The following TTC7A variants were observed in gnomAD, a reference collection of about 807,000 sequenced individuals.
TTC7A encodes the protein tetratricopeptide repeat domain 7A, also known as tetratricopeptide repeat protein 7A.
In TTC7A, 110 loss-of-function variants were observed where a neutral mutation model predicts 103.7. That is an observed-to-expected ratio of 1.06 (90% CI 0.91 to 1.24). The LOEUF is 1.24. TTC7A is among the 50% of genes most tolerant of loss of function. The pLI, the probability that TTC7A is intolerant of heterozygous loss-of-function variation, is 0.00. For synonymous variants in TTC7A, 521 were observed against 467.9 expected (o/e 1.11, Z -1.47); for missense variants, 1,340 against 1,116.3 (o/e 1.20, Z -2.86).
chr2:46,979,855 G>T (rs1204086655), intron 5 of TTC7A, among the ~76,000 whole-genome samples: 3 of 152,150 alleles, frequency 2.0e-5, no homozygotes, highest in African/African-American at 4.8e-5. Context: ...AGACACAGTG[G>T]GCTGGGGCTG....
chr2:46,917,311 G>C lies in TTC7A; in HGVS notation c.82+34G>C, dbSNP rs746180259. 50 of 644,260 alleles carry C rather than the reference G, an allele frequency of 7.8e-5. No homozygotes were observed. In the South Asian group the frequency reaches 8.4e-4, roughly 11 times the overall value. 39.9% of individuals were successfully genotyped at this position (644,260 alleles called of 1,614,324 possible). On this transcript the variant is annotated intron_variant, in intron 2 of 20. Coordinates refer to the TTC7A transcript ENST00000409245. ...CCGCGCCGGGACAAAGAATCCCTAAGTTTTGAGGAAACCCTATTAATTCAA... is the reference window on the plus strand; with the variant it reads ...CCGCGCCGGGACAAAGAATCCCTAACTTTTGAGGAAACCCTATTAATTCAA...
At chr2:47,071,929 C>G (rs1292194951) in intron 19 of TTC7A, among the ~76,000 whole-genome samples, 5 of 152,242 alleles carry the variant, frequency 3.3e-5, no homozygotes, top group Non-Finnish European at 7.3e-5. Context: ...CTCTGGGAGG[C>G]CTTGCCGGCC....
intron 5 of TTC7A, among the ~76,000 whole-genome samples, chr2:46,986,370 C>A (rs866939122): frequency 1.3e-4 from 20 of 152,328 alleles, no homozygotes; most frequent in Admixed American, 3.3e-4. Flanking sequence ...CCTGGGTTGC[C>A]TCCCAGTGCC....
At position 46,975,054 on chromosome 2, in the gene TTC7A, T is replaced by C; in HGVS notation, c.599T>C (p.Phe200Ser). Reference sequence around the variant, plus strand: ...AGGGAGGAGGAAGTGATCACCTGTTTTGAGAGGGCCTCCTGGATCGCTCAG... The same window carrying C: ...AGGGAGGAGGAAGTGATCACCTGTTCTGAGAGGGCCTCCTGGATCGCTCAG... Reference protein sequence around the residue: ...TEREEEVITCFERASWIAQVF... With the variant: ...TEREEEVITCSERASWIAQVF... Residue 200 changes from phenylalanine to serine, a missense_variant, in exon 4 of 20, where the codon TTT becomes TCT. Physicochemically the swap from Phe to Ser is radical, Grantham distance 155. Transcript: ENST00000319190. The C allele has an allele frequency of 6.2e-7, 1 of 1,613,984 alleles. No homozygotes were observed. Among genetic ancestry groups the C allele is most frequent in the Non-Finnish European group, 8.5e-7 (1 of 1,179,918 alleles).
At chr2:47,027,804 G>A (rs895743431) in intron 14 of TTC7A, among the ~76,000 whole-genome samples, 1 of 152,218 alleles carries the variant, frequency 6.6e-6, no homozygotes, top group Non-Finnish European at 1.5e-5. Context: ...CGTAAGGGGG[G>A]CAGCGGGCCA....
At chr2:47,022,602 C>T (rs909314265) in intron 12 of TTC7A, among the ~76,000 whole-genome samples, 10 of 152,068 alleles carry the variant, frequency 6.6e-5, no homozygotes, top group Non-Finnish European at 1.3e-4. Flanking sequence ...TGGGGAGTGA[C>T]GGGCCGCCAC....
At chr2:47,045,889 A>C (rs1277909875) in intron 15 of TTC7A, among the ~76,000 whole-genome samples, 1 of 152,154 alleles carries the variant, frequency 6.6e-6, no homozygotes, top group Non-Finnish European at 1.5e-5. Flanking sequence ...TCTCTTATCC[A>C]AGGTCCCATG....
chr2:47,053,757 T>A (rs1683095156), intron 18 of TTC7A, among the ~76,000 whole-genome samples: 1 of 152,156 alleles, frequency 6.6e-6, no homozygotes, highest in African/African-American at 2.4e-5. Context: ...GTATTTTTAG[T>A]ACAGACAGGG....
At chr2:47,022,852 C>T (rs796548621) in intron 12 of TTC7A, among the ~76,000 whole-genome samples, 49 of 152,280 alleles carry the variant, frequency 3.2e-4, no homozygotes, top group African/African-American at 9.6e-4. Flanking sequence ...CTTTCGAATC[C>T]GGGGAGCTCT....
intron 2 of TTC7A, among the ~76,000 whole-genome samples, chr2:46,923,671 C>T (rs556228380): frequency 3.5e-4 from 54 of 152,210 alleles, no homozygotes; most frequent in Middle Eastern, 3.4e-3. Flanking sequence ...ACAGGAGAAT[C>T]GCTCAAGTCC....
At chr2:47,055,945 C>A (rs951700831) in intron 18 of TTC7A, among the ~76,000 whole-genome samples, 20 of 152,302 alleles carry the variant, frequency 1.3e-4, no homozygotes, top group African/African-American at 2.2e-4. Context: ...TTCCTGCCCC[C>A]CTCCTGTCTT....
chr2:46,973,978 C>G (rs1572776343), intron 3 of TTC7A, among the ~76,000 whole-genome samples: 1 of 152,178 alleles, frequency 6.6e-6, no homozygotes, highest in Non-Finnish European at 1.5e-5. Flanking sequence ...AGTCCAGTAG[C>G]CAGGAGCAGC....
chr2:46,958,692 G>T, intron 3 of TTC7A: 1 of 487,426 alleles, frequency 2.1e-6, no homozygotes, highest in Non-Finnish European at 3.4e-6. Flanking sequence ...CAGTGACCAC[G>T]CCTGCTGCCC....
chr2:46,995,221 A>G (rs1284164613), intron 8 of TTC7A, 22 bp downstream of exon 8: 1 of 1,613,100 alleles, frequency 6.2e-7, no homozygotes, highest in African/African-American at 1.3e-5. Flanking sequence ...GATGTCCTTC[A>G]GGGGCCTCTG....
chr2:46,993,533 T>C lies in TTC7A; in HGVS notation c.843+5T>C, dbSNP rs1270977220. 1 of 1,613,864 alleles carries C rather than the reference T, an allele frequency of 6.2e-7. No homozygotes were observed. Reference sequence around the variant, plus strand: ...GCAACTCAGAACTTCAAAGTGGTAATGTGGGGTGCTGGCAGTGCTGGCTTA... The same window carrying C: ...GCAACTCAGAACTTCAAAGTGGTAACGTGGGGTGCTGGCAGTGCTGGCTTA... On this transcript the variant is annotated splice_donor_5th_base_variant and intron_variant, in intron 6 of 19. Coordinates refer to ENST00000319190, the MANE Select transcript of TTC7A (RefSeq NM_020458.4).
intron 5 of TTC7A, among the ~76,000 whole-genome samples, chr2:46,979,659 G>A (rs1279718886): frequency 2.0e-5 from 3 of 152,174 alleles, no homozygotes; most frequent in African/African-American, 7.2e-5. Context: ...GCAGGGGAAG[G>A]AGAAGATTCA....
intron 11 of TTC7A, among the ~76,000 whole-genome samples, chr2:47,021,570 G>A (rs1010979961): frequency 3.3e-5 from 5 of 152,162 alleles, no homozygotes; most frequent in African/African-American, 2.4e-5. Flanking sequence ...TGCCTGCCCC[G>A]GCCCTGGCTT....
At chr2:46,979,010 G>C in intron 5 of TTC7A, 103 bp downstream of exon 5, 1 of 738,312 alleles carries the variant, frequency 1.4e-6, no homozygotes, top group Non-Finnish European at 2.3e-6. Flanking sequence ...CTGTGCATAC[G>C]TGCTCTTCCA....
intron 2 of TTC7A, among the ~76,000 whole-genome samples, chr2:46,931,517 G>C (rs569878437): frequency 3.3e-5 from 5 of 150,554 alleles, no homozygotes; most frequent in African/African-American, 9.8e-5. Context: ...AGGGAAACAG[G>C]AGGGTCAGAG....
Sources: allele counts gnomAD v4.1 joint callset (sites outside exome capture counted in the v4.1 genomes callset), GRCh38; gene constraint gnomAD v4.1.1; transcripts MANE v1.5; gene names NCBI Gene and HGNC (gene_info 2026-07-23, HGNC 2026-07-21).